The following MRTFA variants were observed in gnomAD, a reference collection of about 807,000 sequenced individuals.
MRTFA encodes myocardin-related transcription factor A.
Under a neutral mutation model 83.5 loss-of-function variants are expected in MRTFA, and 20 were observed. That is an observed-to-expected ratio of 0.24 (90% confidence interval 0.17 to 0.35). The LOEUF (loss-of-function observed/expected upper bound fraction) is 0.35, where lower values mean the gene tolerates loss of function less well. Ranked by LOEUF, MRTFA falls within the 10% of genes least tolerant of loss-of-function variation. The pLI, the probability that MRTFA is intolerant of heterozygous loss-of-function variation, is 1.00. For synonymous variants in MRTFA, 659 were observed against 541.2 expected (o/e 1.22, Z -3.02); for missense variants, 1,200 against 1,224.7 (o/e 0.98, Z 0.30).
intron 3 of MRTFA, among the ~76,000 whole-genome samples, chr22:40,511,684 G>A (rs1439623317): frequency 6.6e-6 from 1 of 152,144 alleles, no homozygotes; most frequent in Non-Finnish European, 1.5e-5. Flanking sequence ...ACACAAAGGT[G>A]GAAAATATAA....
chr22:40,586,390 T>C (rs530091671), intron 2 of MRTFA, among the ~76,000 whole-genome samples: 1 of 152,212 alleles, frequency 6.6e-6, no homozygotes, highest in East Asian at 1.9e-4. Context: ...AAAGGAATAA[T>C]GCCAATCTTC....
chr22:40,445,241 T>C (rs1041307727), intron 4 of MRTFA, among the ~76,000 whole-genome samples: 1 of 152,182 alleles, frequency 6.6e-6, no homozygotes, highest in African/African-American at 2.4e-5. Context: ...CTGACCTAGA[T>C]TGACCAGTTA....
chr22:40,508,513 C>CAAAAA (rs1175724448), intron 3 of MRTFA, among the ~76,000 whole-genome samples: 1 of 26,066 alleles, frequency 3.8e-5, no homozygotes, highest in Non-Finnish European at 7.4e-5. Flanking sequence ...CTCCGTCTCT[C>CAAAAA]AAAAAAAAAA....
intron 1 of MRTFA, among the ~76,000 whole-genome samples, chr22:40,618,076 T>G (rs1157558170): frequency 1.4e-5 from 2 of 146,732 alleles, no homozygotes; most frequent in Non-Finnish European, 3.0e-5. Flanking sequence ...TAAGGTTGTT[T>G]TTTGTTTTTT....
intron 3 of MRTFA, among the ~76,000 whole-genome samples, chr22:40,532,960 C>T (rs2055107649): frequency 6.6e-6 from 1 of 152,224 alleles, no homozygotes; most frequent in African/African-American, 2.4e-5. Context: ...GTAAAAGAAA[C>T]CACTGAAAAC....
At chr22:40,511,076 T>C (rs1458311334) in intron 3 of MRTFA, among the ~76,000 whole-genome samples, 1 of 152,078 alleles carries the variant, frequency 6.6e-6, no homozygotes, top group Non-Finnish European at 1.5e-5. Flanking sequence ...GAATTGGTAG[T>C]TAGCGAAAGT....
intron 7 of MRTFA, among the ~76,000 whole-genome samples, chr22:40,428,702 G>C (rs947631092): frequency 2.0e-5 from 3 of 152,002 alleles, no homozygotes; most frequent in African/African-American, 7.3e-5. Flanking sequence ...TTTTTGTAGA[G>C]ATGAGTCTCC....
Position 40,423,608 on chromosome 22 carries a change from T to C in MRTFA, c.855A>G (p.Pro285=). ...TGGTGAGGCTGGGAGGCAGCAGAGG[T>C]GGGGGAGGCAGAGGAGGCTGCTCTG... The change falls in exon 9 of 15, where the codon CCA becomes CCG. Residue 285 remains proline (P), a synonymous_variant. Transcript: ENST00000355630. The C allele has an allele frequency of 6.3e-7, 1 of 1,592,802 alleles. No individual in the cohort carries two copies. The highest frequency in any genetic ancestry group is 1.1e-5 in the South Asian group (1 of 88,194).
At chr22:40,596,298 G>A (rs1022482070) in intron 1 of MRTFA, among the ~76,000 whole-genome samples, 1 of 152,118 alleles carries the variant, frequency 6.6e-6, no homozygotes. Context: ...TAAATTTAGA[G>A]GTTTGACTGT....
intron 4 of MRTFA, among the ~76,000 whole-genome samples, chr22:40,439,289 G>A (rs2053229311): frequency 6.6e-6 from 1 of 151,942 alleles, no homozygotes; most frequent in Admixed American, 6.6e-5. Context: ...TATCACCTGA[G>A]GTCAGGAGTT....
intron 4 of MRTFA, among the ~76,000 whole-genome samples, chr22:40,443,025 G>A (rs527534373): frequency 6.6e-6 from 1 of 152,146 alleles, no homozygotes; most frequent in Non-Finnish European, 1.5e-5. Flanking sequence ...CGAGGTCGGG[G>A]GGGATCACTT....
At chr22:40,624,043 G>A (rs917414797) in intron 1 of MRTFA, among the ~76,000 whole-genome samples, 2 of 152,190 alleles carry the variant, frequency 1.3e-5, no homozygotes, top group Non-Finnish European at 2.9e-5. Context: ...CATAAAGGCT[G>A]TAGTGAGCCA....
At chr22:40,635,252 C>A (rs1031075869) in intron 1 of MRTFA, among the ~76,000 whole-genome samples, 1 of 152,172 alleles carries the variant, frequency 6.6e-6, no homozygotes, top group Non-Finnish European at 1.5e-5. Flanking sequence ...CGGGAGATGA[C>A]TGCTTTTCAA....
intron 4 of MRTFA, among the ~76,000 whole-genome samples, chr22:40,455,844 G>GTATGTATGTATT (rs2053577741): frequency 7.1e-6 from 1 of 140,456 alleles, no homozygotes; most frequent in African/African-American, 2.7e-5. Context: ...ATGTATGTAT[G>GTATGTATGTATT]TATTTATGAG....
At chr22:40,546,661 G>T (rs983889310) in intron 3 of MRTFA, among the ~76,000 whole-genome samples, 8 of 152,190 alleles carry the variant, frequency 5.3e-5, no homozygotes, top group African/African-American at 1.9e-4. Context: ...TCTTTCAGGA[G>T]CTTAAACACT....
chr22:40,542,690 T>C lies in MRTFA; in HGVS notation c.241+9416A>G, dbSNP rs960040180. On this transcript the variant is annotated intron_variant, in intron 3 of 14. Transcript: ENST00000355630. ...TAATGTAAGTGTGAAAAACAGAAAA[T>C]GATTCAATTGTCCAACTAAGGAGAA... 2.0e-5 allele frequency among the ~76,000 whole-genome samples: 3 copies of C among 152,210 alleles called. No individual in the cohort carries two copies. The East Asian group carries it at 5.8e-4, about 29-fold the overall frequency.
intron 2 of MRTFA, among the ~76,000 whole-genome samples, chr22:40,566,487 T>C (rs2055705728): frequency 1.3e-5 from 2 of 152,156 alleles, no homozygotes; most frequent in Non-Finnish European, 2.9e-5. Context: ...CCCAAAGTGC[T>C]GGGATTACAG....
At chr22:40,514,690 G>C (rs1229279403) in intron 3 of MRTFA, among the ~76,000 whole-genome samples, 2 of 151,706 alleles carry the variant, frequency 1.3e-5, no homozygotes, top group Non-Finnish European at 2.9e-5. Context: ...ATGTTAGCCA[G>C]GCTGGTCTCA....
At chr22:40,626,187 T>C (rs556867272) in intron 1 of MRTFA, among the ~76,000 whole-genome samples, 2 of 152,240 alleles carry the variant, frequency 1.3e-5, no homozygotes, top group African/African-American at 4.8e-5. Context: ...GGTTTCGCCA[T>C]CTTGGCAGAC....
Sources: allele counts gnomAD v4.1 joint callset (sites outside exome capture counted in the v4.1 genomes callset), GRCh38; gene constraint gnomAD v4.1.1; transcripts MANE v1.5; gene names NCBI Gene and HGNC (gene_info 2026-07-23, HGNC 2026-07-21).